Variants in COL5A2 observed in about 807,000 individuals in gnomAD.
COL5A2 encodes the protein collagen alpha-2(V) chain.
A neutral mutation model predicts 208.2 loss-of-function variants in COL5A2; 23 were observed. The observed-to-expected ratio is 0.11, with a 90% CI of 0.08 to 0.16. The LOEUF (loss-of-function observed/expected upper bound fraction) is 0.16. COL5A2 is among the 10% of genes least tolerant of loss of function. The pLI, the probability that COL5A2 is intolerant of heterozygous loss-of-function variation, is 1.00. For synonymous variants in COL5A2, 625 were observed against 628.5 expected, an observed-to-expected ratio of 0.99 and a Z score of 0.08; for missense variants, 1,590 against 1,956.4, an observed-to-expected ratio of 0.81 and a Z score of 3.53.
chr2:189,318,130 T>C, the COL5A2 span, among the ~76,000 whole-genome samples: 3 of 152,206 alleles, frequency 2.0e-5, no homozygotes, highest in African/African-American at 7.2e-5. Flanking sequence ...TCTGACCCTG[T>C]AGAACACCTG....
the COL5A2 span, among the ~76,000 whole-genome samples, chr2:189,400,322 C>A: frequency 6.6e-6 from 1 of 152,238 alleles, no homozygotes; most frequent in East Asian, 1.9e-4. Context: ...ATATGTCAGA[C>A]CTTTGTCTCA....
the COL5A2 span, among the ~76,000 whole-genome samples, chr2:189,358,266 C>A: frequency 6.6e-6 from 1 of 152,086 alleles, no homozygotes; most frequent in Non-Finnish European, 1.5e-5. Flanking sequence ...AATATTAGTG[C>A]TCATTTACAA....
chr2:189,290,757 T>C, the COL5A2 span, among the ~76,000 whole-genome samples: 3 of 47,676 alleles, frequency 6.3e-5, no homozygotes, highest in Admixed American at 2.0e-4. Flanking sequence ...CACACACACA[T>C]TATTATATAC....
the COL5A2 span, among the ~76,000 whole-genome samples, chr2:189,302,750 C>T: frequency 2.0e-5 from 3 of 152,022 alleles, no homozygotes; most frequent in East Asian, 5.8e-4. Flanking sequence ...TTGACTCATC[C>T]CTTTGTCTGA....
chr2:189,415,284 T>G, the COL5A2 span, among the ~76,000 whole-genome samples: 13 of 152,324 alleles, frequency 8.5e-5, no homozygotes, highest in South Asian at 8.3e-4. Context: ...AAATAGATAA[T>G]TTAATTTTGC....
At chr2:189,407,563 T>C in the COL5A2 span, among the ~76,000 whole-genome samples, 1 of 152,116 alleles carries the variant, frequency 6.6e-6, no homozygotes, top group South Asian at 2.1e-4. Flanking sequence ...AAGATAAGAC[T>C]CTTTCTGCCT....
At chr2:189,134,802 T>C (rs546183352) in intron 1 of COL5A2, among the ~76,000 whole-genome samples, 1 of 152,314 alleles carries the variant, frequency 6.6e-6, no homozygotes, top group Non-Finnish European at 1.5e-5. Flanking sequence ...CTCTTAAGCT[T>C]GGCTAAAATC....
At chr2:189,141,803 A>G (rs1687939887) in intron 1 of COL5A2, among the ~76,000 whole-genome samples, 1 of 152,196 alleles carries the variant, frequency 6.6e-6, no homozygotes, top group Admixed American at 6.6e-5. Context: ...AGAGTTTAAT[A>G]GTGAAGCCAT....
At chr2:189,111,875 T>C (rs544550609) in intron 1 of COL5A2, among the ~76,000 whole-genome samples, 1 of 151,690 alleles carries the variant, frequency 6.6e-6, no homozygotes, top group Admixed American at 6.6e-5. Flanking sequence ...TTTTTTTTTT[T>C]CTTTTTTAAA....
At chr2:189,355,956 T>C in the COL5A2 span, among the ~76,000 whole-genome samples, 1 of 152,212 alleles carries the variant, frequency 6.6e-6, no homozygotes, top group Non-Finnish European at 1.5e-5. Flanking sequence ...TCAGGAGCTC[T>C]TGTAAGGCAG....
intron 1 of COL5A2, among the ~76,000 whole-genome samples, chr2:189,111,520 G>A (rs1559109411): frequency 6.6e-6 from 1 of 151,934 alleles, no homozygotes; most frequent in Non-Finnish European, 1.5e-5. Context: ...GGCCCACATG[G>A]CTATCTATCA....
At chr2:189,254,822 C>T in the COL5A2 span, among the ~76,000 whole-genome samples, 3 of 152,204 alleles carry the variant, frequency 2.0e-5, no homozygotes, top group African/African-American at 7.2e-5. Context: ...AGCAAACCAC[C>T]TCACAGATTT....
the COL5A2 span, among the ~76,000 whole-genome samples, chr2:189,337,820 CAA>C: frequency 0.53 from 75,952 of 143,702 alleles, 19,849 homozygotes; most frequent in East Asian, 0.71. Context: ...TCCATCCTAG[CAA>C]AAAAAAAAAA....
the COL5A2 span, among the ~76,000 whole-genome samples, chr2:189,436,456 A>G: frequency 6.6e-6 from 1 of 152,150 alleles, no homozygotes; most frequent in Non-Finnish European, 1.5e-5. Flanking sequence ...GCACACCAAC[A>G]TGGCACATGT....
chr2:189,424,391 T>G, the COL5A2 span, among the ~76,000 whole-genome samples: 1 of 152,308 alleles, frequency 6.6e-6, no homozygotes, highest in African/African-American at 2.4e-5. Context: ...AAGTTGTCTC[T>G]ATTTGCAGAT....
the COL5A2 span, among the ~76,000 whole-genome samples, chr2:189,407,957 G>T: frequency 6.6e-6 from 1 of 152,152 alleles, no homozygotes; most frequent in African/African-American, 2.4e-5. Flanking sequence ...TATGGCAAGT[G>T]AAAGACCTTT....
chr2:189,385,235 C>T, the COL5A2 span, among the ~76,000 whole-genome samples: 6,622 of 152,018 alleles, frequency 0.044, 176 homozygotes, highest in African/African-American at 0.064. Context: ...CTCTACAGAC[C>T]CTGCCACAAG....
At chr2:189,271,138 C>T in the COL5A2 span, among the ~76,000 whole-genome samples, 1 of 152,088 alleles carries the variant, frequency 6.6e-6, no homozygotes, top group African/African-American at 2.4e-5. Context: ...ACTTTCTTCA[C>T]AGAATTACAA....
chr2:189,285,328 T>C, the COL5A2 span, among the ~76,000 whole-genome samples: 1 of 151,986 alleles, frequency 6.6e-6, no homozygotes, highest in African/African-American at 2.4e-5. Flanking sequence ...ATTTTACCTG[T>C]TAAAGCCCTG....
Sources: allele counts gnomAD v4.1 joint callset (sites outside exome capture counted in the v4.1 genomes callset), GRCh38; gene constraint gnomAD v4.1.1; transcripts MANE v1.5; gene names NCBI Gene and HGNC (gene_info 2026-07-23, HGNC 2026-07-21).